Variants in NEXMIF observed in about 807,000 individuals in gnomAD.
NEXMIF encodes the protein neurite extension and migration factor, also known as XLMR protein related to neurite extension.
In NEXMIF, 8 loss-of-function variants were observed where a neutral mutation model predicts 62.1. That is an observed-to-expected ratio of 0.13 (90% CI 0.08 to 0.23). The LOEUF is 0.23. NEXMIF is among the 10% of genes least tolerant of loss of function. The pLI, the probability that NEXMIF is intolerant of heterozygous loss-of-function variation, is 1.00. For missense variants in NEXMIF, 976 were observed against 1,113.3 expected (o/e 0.88, Z 1.75); for synonymous variants, 404 against 416.6 (o/e 0.97, Z 0.37).
At chrX:74,815,163 T>A (rs1602237596) in intron 1 of NEXMIF, among the ~76,000 whole-genome samples, 3 of 112,347 alleles carry the variant, frequency 2.7e-5, no homozygotes, top group African/African-American at 9.7e-5. Flanking sequence ...TCCAGCTTCA[T>A]CAGAAAAGTG....
intron 1 of NEXMIF, among the ~76,000 whole-genome samples, chrX:74,845,126 A>T (rs764213324): frequency 8.9e-6 from 1 of 111,773 alleles, no homozygotes; most frequent in Admixed American, 9.5e-5. Flanking sequence ...CCTGAATTAG[A>T]CCTTATTTGA....
chrX:74,889,173 G>T (rs1344233760), intron 1 of NEXMIF, among the ~76,000 whole-genome samples: 2 of 111,851 alleles, frequency 1.8e-5, no homozygotes, highest in East Asian at 5.6e-4. Context: ...TGAGGGACAG[G>T]ATGCAATATT....
At chrX:74,782,628 C>T (rs529245355) in intron 1 of NEXMIF, among the ~76,000 whole-genome samples, 1 of 111,913 alleles carries the variant, frequency 8.9e-6, no homozygotes, top group South Asian at 3.7e-4. Flanking sequence ...TAGGCTTGGC[C>T]TCATTACTCT....
intron 1 of NEXMIF, among the ~76,000 whole-genome samples, chrX:74,764,359 A>G (rs2080188099): frequency 9.0e-6 from 1 of 111,611 alleles, no homozygotes; most frequent in Non-Finnish European, 1.9e-5. Context: ...GTGCTGCTGG[A>G]TTCGGTTTGC....
At chrX:74,822,483 A>G (rs900873882) in intron 1 of NEXMIF, among the ~76,000 whole-genome samples, 1 of 112,504 alleles carries the variant, frequency 8.9e-6, no homozygotes, top group Admixed American at 9.4e-5. Context: ...GTATTTGTAA[A>G]TCATATATCT....
rs979495957 is a variant in NEXMIF, at chrX:74,924,174, C to T, written c.-48+709G>A. On this transcript the variant is annotated intron_variant, in intron 1 of 3. Transcript: ENST00000055682. ...CGCGCCGGCTCACGGCCTTCCCGCC[C>T]TACAGGGTGTACAAGACGCGAGCCG... Among the ~76,000 whole-genome samples, 4 of 111,798 alleles carry T rather than the reference C, an allele frequency of 3.6e-5. No homozygotes were observed. In the South Asian group the frequency reaches 1.5e-3, roughly 43 times the overall value.
rs1446953353 is a variant in NEXMIF at position 74,874,446 on chromosome X, T to C, written c.-48+50437A>G. 4.5e-5 allele frequency among the ~76,000 whole-genome samples: 5 copies of C among 111,228 alleles called. No homozygotes were observed. In the East Asian group the frequency reaches 1.4e-3, roughly 32 times the overall value. On this transcript the variant is annotated intron_variant, in intron 1 of 3. Coordinates refer to ENST00000055682, the MANE Select transcript of NEXMIF (RefSeq NM_001008537.3). ...TAGCGTGATGCCTCCAGCTTTGTTC[T>C]TTTAGCTTAGGATTGACTTGGTGAT... is the stretch of plus-strand genomic sequence containing the variant.
At chrX:74,859,808 T>C (rs201435057) in intron 1 of NEXMIF, among the ~76,000 whole-genome samples, 1 of 111,770 alleles carries the variant, frequency 8.9e-6, no homozygotes, top group Non-Finnish European at 1.9e-5. Flanking sequence ...TGCTTGCTTG[T>C]TTGTTTATGG....
chrX:74,816,986 G>A (rs192638273), intron 1 of NEXMIF, among the ~76,000 whole-genome samples: 1 of 112,049 alleles, frequency 8.9e-6, no homozygotes, highest in African/African-American at 3.2e-5. Context: ...TTTGAAATCG[G>A]ATTTCTCCAT....
rs2080506878 is a variant in NEXMIF, at chrX:74,849,868, G to A, written c.-48+75015C>T. On this transcript the variant is annotated intron_variant, in intron 1 of 3. Coordinates refer to ENST00000055682, the MANE Select transcript of NEXMIF (RefSeq NM_001008537.3). The stretch of plus-strand genomic sequence containing the variant: ...CCTACAGCTACCACCTGAGACCAAG[G>A]CATGTGCTCCACAGCTTCCTGCCTA... Among the ~76,000 whole-genome samples the A allele has an allele frequency of 2.7e-5, 3 of 111,958 alleles. No homozygotes were observed. The Admixed American group carries it at 2.8e-4, about 11-fold the overall frequency.
chrX:74,803,240 C>T (rs968053228), intron 1 of NEXMIF, among the ~76,000 whole-genome samples: 2 of 111,496 alleles, frequency 1.8e-5, no homozygotes, highest in Admixed American at 9.6e-5. Flanking sequence ...ATATTTGACC[C>T]AAAGACTACC....
intron 1 of NEXMIF, among the ~76,000 whole-genome samples, chrX:74,856,963 G>A (rs753211053): frequency 4.5e-5 from 5 of 112,349 alleles, no homozygotes; most frequent in Non-Finnish European, 9.4e-5. Flanking sequence ...CATGGAGAAC[G>A]CATGTAGAGC....
chrX:74,766,638 T>C (rs1170895837), intron 1 of NEXMIF, among the ~76,000 whole-genome samples: 3 of 112,122 alleles, frequency 2.7e-5, no homozygotes, highest in Non-Finnish European at 5.6e-5. Context: ...TATCATTTTA[T>C]TGTGATTCTT....
intron 1 of NEXMIF, among the ~76,000 whole-genome samples, chrX:74,796,209 T>TTATATATATATATATATATAATA (rs1393909984): frequency 1.1e-4 from 5 of 46,587 alleles, no homozygotes; most frequent in African/African-American, 1.6e-4. Flanking sequence ...TACATATATA[T>TTATATATATATATATATATAATA]TATATATATA....
intron 1 of NEXMIF, among the ~76,000 whole-genome samples, chrX:74,854,223 A>G (rs1394118673): frequency 8.9e-5 from 10 of 112,117 alleles, no homozygotes; most frequent in African/African-American, 3.2e-4. Flanking sequence ...AAAAGATAAT[A>G]CACCATGATC....
intron 1 of NEXMIF, among the ~76,000 whole-genome samples, chrX:74,888,343 C>A (rs1257219670): frequency 4.6e-5 from 5 of 108,645 alleles, no homozygotes; most frequent in Non-Finnish European, 9.6e-5. Context: ...ACATATACAC[C>A]ATGGAATGCT....
chrX:74,906,185 A>T (rs1040050299), intron 1 of NEXMIF, among the ~76,000 whole-genome samples: 3 of 109,370 alleles, frequency 2.7e-5, no homozygotes, highest in Non-Finnish European at 3.8e-5. Context: ...AGGCAGGAGG[A>T]TCCCTTGAGC....
chrX:74,875,190 G>A (rs1470000838), intron 1 of NEXMIF, among the ~76,000 whole-genome samples: 1 of 110,846 alleles, frequency 9.0e-6, no homozygotes, highest in African/African-American at 3.3e-5. Flanking sequence ...TTTATTGAGA[G>A]TTTTTAGCAT....
chrX:74,884,388 A>G (rs2080681142), intron 1 of NEXMIF, among the ~76,000 whole-genome samples: 1 of 111,795 alleles, frequency 8.9e-6, no homozygotes, highest in Admixed American at 9.5e-5. Context: ...AGTGTGCTGT[A>G]TTCAGGAAAC....
Sources: gnomAD v4.1 joint callset for allele counts (sites outside exome capture counted in the v4.1 genomes callset) on GRCh38, gnomAD v4.1.1 for gene constraint, MANE v1.5 for transcripts, NCBI Gene and HGNC (gene_info 2026-07-23, HGNC 2026-07-21) for gene names.